Variants in CNTN4 observed in about 807,000 individuals in gnomAD.
The protein encoded by CNTN4 is contactin 4, also known as contactin-4.
In CNTN4, 77 loss-of-function variants were observed where a neutral mutation model predicts 122.5. The ratio of observed to expected loss-of-function variants is 0.63; its 90% confidence interval spans 0.52 to 0.76. The LOEUF (loss-of-function observed/expected upper bound fraction) is 0.76, where lower values mean the gene tolerates loss of function less well. Ranked by LOEUF, CNTN4 falls within the 30% of genes least tolerant of loss-of-function variation. CNTN4 has a pLI of 0.00. For missense variants in CNTN4, 1,256 were observed against 1,259.1 expected, an observed-to-expected ratio of 1.00 and a Z score of 0.04; for synonymous variants, 512 against 447.0, an observed-to-expected ratio of 1.15 and a Z score of -1.83.
intron 2 of CNTN4, among the ~76,000 whole-genome samples, chr3:2,337,408 G>C (rs1266922548): frequency 6.6e-6 from 1 of 152,108 alleles, no homozygotes; most frequent in Non-Finnish European, 1.5e-5. Context: ...AGAATCTCTT[G>C]CCAATGTTAC....
At chr3:2,561,365 A>C (rs545730177) in intron 3 of CNTN4, among the ~76,000 whole-genome samples, 49 of 152,268 alleles carry the variant, frequency 3.2e-4, no homozygotes, top group Non-Finnish European at 4.9e-4. Context: ...TAGAAGCTTT[A>C]AGAGTTTGCA....
chr3:2,861,303 AC>A (rs1274268002), intron 7 of CNTN4, among the ~76,000 whole-genome samples: 1 of 151,876 alleles, frequency 6.6e-6, no homozygotes, highest in Non-Finnish European at 1.5e-5. Context: ...ACTAATTCCA[AC>A]CCCTGTCTTT....
intron 3 of CNTN4, among the ~76,000 whole-genome samples, chr3:2,486,402 G>C (rs1007133670): frequency 6.6e-6 from 1 of 152,188 alleles, no homozygotes; most frequent in African/African-American, 2.4e-5. Context: ...GGAACTTCTA[G>C]AAGGTAGTAA....
chr3:3,052,361 G>T (rs1297941313), intron 23 of CNTN4, among the ~76,000 whole-genome samples: 1 of 152,110 alleles, frequency 6.6e-6, no homozygotes, highest in East Asian at 1.9e-4. Context: ...AAACATGTCT[G>T]CAGACATTGC....
intron 3 of CNTN4, among the ~76,000 whole-genome samples, chr3:2,383,191 A>T (rs1394351883): frequency 6.6e-6 from 1 of 152,360 alleles, no homozygotes; most frequent in African/African-American, 2.4e-5. Flanking sequence ...TCCCAGACTT[A>T]TATGAGCATA....
intron 2 of CNTN4, among the ~76,000 whole-genome samples, chr3:2,104,600 A>G (rs1215778684): frequency 6.6e-6 from 1 of 152,128 alleles, no homozygotes; most frequent in Non-Finnish European, 1.5e-5. Flanking sequence ...GAGAAGTCTT[A>G]TTGGAGGTTG....
At chr3:2,995,556 G>A (rs1010109665) in intron 14 of CNTN4, among the ~76,000 whole-genome samples, 6 of 152,100 alleles carry the variant, frequency 3.9e-5, no homozygotes, top group African/African-American at 7.2e-5. Flanking sequence ...TCTGTCTTTC[G>A]TAGCAAAGCC....
chr3:2,249,193 G>A (rs1486673136), intron 2 of CNTN4, among the ~76,000 whole-genome samples: 1 of 151,794 alleles, frequency 6.6e-6, no homozygotes, highest in African/African-American at 2.4e-5. Flanking sequence ...TGAAGAAATA[G>A]GTAGCTTCTG....
chr3:2,150,905 T>G (rs1559290236), intron 2 of CNTN4, among the ~76,000 whole-genome samples: 1 of 152,172 alleles, frequency 6.6e-6, no homozygotes, highest in Non-Finnish European at 1.5e-5. Context: ...TGGCTTCCTC[T>G]TTGGGGGAGG....
intron 8 of CNTN4, among the ~76,000 whole-genome samples, chr3:2,872,833 T>C (rs1559604684): frequency 6.6e-6 from 1 of 152,166 alleles, no homozygotes; most frequent in Admixed American, 6.6e-5. Flanking sequence ...CTCTAAATGT[T>C]TATTATACTT....
In CNTN4 at chr3:2,141,288, T is replaced by C. The variant is rs73806320; in HGVS notation, c.-145+40649T>C. ...AAAATGAGGAAAAAATTCTGGATTATCCTAGTGGACCTAATATTTTATAAG... is the reference window on the plus strand; with the variant it reads ...AAAATGAGGAAAAAATTCTGGATTACCCTAGTGGACCTAATATTTTATAAG... On this transcript the variant is annotated intron_variant, in intron 2 of 24. Transcript: ENST00000418658. 1.9e-3 allele frequency among the ~76,000 whole-genome samples: 288 copies of C among 152,314 alleles called. 3 individuals are homozygous for C. The highest frequency in any genetic ancestry group is 6.6e-3 in the African/African-American group (275 of 41,574).
At chr3:3,054,159 C>G (rs1036648727) in intron 24 of CNTN4, among the ~76,000 whole-genome samples, 184 bp downstream of exon 24, 1 of 152,122 alleles carries the variant, frequency 6.6e-6, no homozygotes, top group Non-Finnish European at 1.5e-5. Context: ...TCAGTTTGCC[C>G]GTGTTGACTG....
chr3:2,677,090 T>G (rs532474865), intron 4 of CNTN4, among the ~76,000 whole-genome samples: 1 of 152,022 alleles, frequency 6.6e-6, no homozygotes, highest in African/African-American at 2.4e-5. Flanking sequence ...CACTGGATTC[T>G]ATTCTCTCTC....
At chr3:2,324,712 G>C (rs947712947) in intron 2 of CNTN4, among the ~76,000 whole-genome samples, 1 of 152,048 alleles carries the variant, frequency 6.6e-6, no homozygotes, top group East Asian at 1.9e-4. Context: ...ATTAAAATGA[G>C]AAAAACATTT....
chr3:3,008,452 A>C (rs927118712), intron 14 of CNTN4, among the ~76,000 whole-genome samples: 22 of 152,362 alleles, frequency 1.4e-4, no homozygotes, highest in African/African-American at 5.3e-4. Flanking sequence ...AAAAAACTGT[A>C]AAGGTTGACA....
At chr3:2,627,161 CTG>C (rs2082223045) in intron 4 of CNTN4, among the ~76,000 whole-genome samples, 1 of 152,176 alleles carries the variant, frequency 6.6e-6, no homozygotes, top group Middle Eastern at 3.2e-3. Flanking sequence ...CCCCAGGTAC[CTG>C]GGACAAATTG....
At chr3:2,738,542 G>A (rs1363068175) in intron 5 of CNTN4, among the ~76,000 whole-genome samples, 4 of 152,056 alleles carry the variant, frequency 2.6e-5, no homozygotes, top group African/African-American at 9.7e-5. Flanking sequence ...GAATAAATAA[G>A]TAAAGCAAAT....
chr3:2,660,733 A>G (rs928769862), intron 4 of CNTN4, among the ~76,000 whole-genome samples: 3 of 152,234 alleles, frequency 2.0e-5, no homozygotes, highest in African/African-American at 7.2e-5. Flanking sequence ...TACTCTTTGC[A>G]TCCTCAAAAC....
intron 3 of CNTN4, among the ~76,000 whole-genome samples, chr3:2,378,843 T>C (rs1463377300): frequency 2.0e-5 from 3 of 152,182 alleles, no homozygotes; most frequent in Non-Finnish European, 2.9e-5. Flanking sequence ...GTCATTCTTA[T>C]TTGTATTCTG....
Sources: gnomAD v4.1 joint callset for allele counts (sites outside exome capture counted in the v4.1 genomes callset) on GRCh38, gnomAD v4.1.1 for gene constraint, MANE v1.5 for transcripts, NCBI Gene and HGNC (gene_info 2026-07-23, HGNC 2026-07-21) for gene names.